Variants in DNAH11 observed in about 807,000 individuals in gnomAD.
The protein encoded by DNAH11 is dynein axonemal heavy chain 11, also known as axonemal beta dynein heavy chain 11.
In DNAH11, 442 loss-of-function variants were observed where a neutral mutation model predicts 526.0. That is an observed-to-expected ratio of 0.84 (90% CI 0.78 to 0.91). The LOEUF is 0.91. Ranked by LOEUF, DNAH11 falls within the 40% of genes least tolerant of loss-of-function variation. DNAH11 has a pLI of 0.00. For synonymous variants in DNAH11, 2,461 were observed against 1,935.9 expected, an observed-to-expected ratio of 1.27 and a Z score of -7.12; for missense variants, 6,989 against 5,448.7, an observed-to-expected ratio of 1.28 and a Z score of -8.90.
chr7:21,763,032 C>A (rs772956612), intron 54 of DNAH11, among the ~76,000 whole-genome samples: 1 of 152,092 alleles, frequency 6.6e-6, no homozygotes, highest in Non-Finnish European at 1.5e-5. Flanking sequence ...AAAGGACTTA[C>A]GTAGACATTT....
At chr7:21,556,031 A>G (rs1207061420) in intron 2 of DNAH11, among the ~76,000 whole-genome samples, 1 of 152,184 alleles carries the variant, frequency 6.6e-6, no homozygotes, top group Non-Finnish European at 1.5e-5. Flanking sequence ...ACAGCAGGTC[A>G]TTTATCTCCT....
chr7:21,583,885 C>T (rs1408705357), intron 9 of DNAH11, among the ~76,000 whole-genome samples: 3 of 152,184 alleles, frequency 2.0e-5, no homozygotes, highest in Non-Finnish European at 4.4e-5. Flanking sequence ...GACATACCAC[C>T]TCATGCCAGT....
At chr7:21,868,496 C>T (rs1325753709) in intron 72 of DNAH11, among the ~76,000 whole-genome samples, 1 of 47,492 alleles carries the variant, frequency 2.1e-5, no homozygotes, top group Non-Finnish European at 5.3e-5. Flanking sequence ...TGAACAGATC[C>T]ATTCAAAAAA....
intron 34 of DNAH11, among the ~76,000 whole-genome samples, chr7:21,690,143 A>G (rs894809172): frequency 1.3e-5 from 2 of 152,186 alleles, no homozygotes; most frequent in Non-Finnish European, 2.9e-5. Context: ...GCAGAATCCA[A>G]TAAGGTTGGT....
intron 20 of DNAH11, among the ~76,000 whole-genome samples, chr7:21,611,087 T>A (rs1418323594): frequency 6.6e-6 from 1 of 152,188 alleles, no homozygotes; most frequent in Non-Finnish European, 1.5e-5. Flanking sequence ...GTTGGTGGAC[T>A]GAGTGGAGAA....
At chr7:21,573,171 C>G (rs1286758270) in intron 8 of DNAH11, among the ~76,000 whole-genome samples, 2 of 152,138 alleles carry the variant, frequency 1.3e-5, no homozygotes, top group Admixed American at 6.5e-5. Context: ...TTGGCCATGC[C>G]AAAGGTCCTG....
At position 21,599,829 on chromosome 7, in the gene DNAH11, T is replaced by A. The variant is rs1172504449; in HGVS notation, c.2710T>A (p.Trp904Arg). The A allele has an allele frequency of 6.3e-7, 1 of 1,592,918 alleles. No individual in the cohort carries two copies. Among genetic ancestry groups the A allele is most frequent in the Non-Finnish European group, 8.6e-7 (1 of 1,166,440 alleles). The change falls in exon 15 of 82, where the codon TGG becomes AGG. Residue 904 changes from tryptophan to arginine, a missense_variant. By Grantham distance (101) the Trp-to-Arg change is moderately radical. Coordinates refer to ENST00000409508, the MANE Select transcript of DNAH11 (RefSeq NM_001277115.2). Reference sequence around the variant, plus strand: ...CAAAGCCAATCCCTCTCTGGATACCTGGAAAATTTATGTAGAATTCATTGA... The same window carrying A: ...CAAAGCCAATCCCTCTCTGGATACCAGGAAAATTTATGTAGAATTCATTGA... ...LFKANPSLDTWKIYVEFIDDI... is the reference protein window; with the variant it reads ...LFKANPSLDTRKIYVEFIDDI...
Position 21,818,256 on chromosome 7 carries a change from T to C in DNAH11, c.10608T>C (p.Asp3536=), listed in dbSNP as rs1482135038. Residue 3536 remains aspartate, a synonymous_variant, in exon 65 of 82, where the codon GAT becomes GAC. Coordinates refer to ENST00000409508, the MANE Select transcript of DNAH11 (RefSeq NM_001277115.2). The part of the protein sequence containing the change: ...NAIETALAFG[D]VILIENLEET... ...TTGAAACTGCTTTGGCCTTTGGTGATGTCATCTTAATTGAAAATCTCGAGG... is the reference window on the plus strand; with the variant it reads ...TTGAAACTGCTTTGGCCTTTGGTGACGTCATCTTAATTGAAAATCTCGAGG... 1 of 1,612,344 alleles carries C rather than the reference T, an allele frequency of 6.2e-7. No individual in the cohort carries two copies. Among genetic ancestry groups the C allele is most frequent in the Admixed American group, 1.7e-5 (1 of 59,784 alleles).
At chr7:21,862,698 C>T (rs372674823) in intron 69 of DNAH11, among the ~76,000 whole-genome samples, 1 of 152,122 alleles carries the variant, frequency 6.6e-6, no homozygotes, top group African/African-American at 2.4e-5. Context: ...AAGAGAGCTC[C>T]AGGTTTCTTA....
At chr7:21,812,395 C>T (rs1190302670) in intron 63 of DNAH11, among the ~76,000 whole-genome samples, 1 of 151,988 alleles carries the variant, frequency 6.6e-6, no homozygotes, top group Non-Finnish European at 1.5e-5. Flanking sequence ...AACTGTCCGC[C>T]GGGTGTGGTG....
In DNAH11 at chr7:21,601,519, G is replaced by C. The variant is rs1236515364; in HGVS notation, c.3549G>C (p.Gln1183His). 6 of 1,613,752 alleles carry C rather than the reference G, an allele frequency of 3.7e-6. No homozygotes were observed. The highest frequency in any genetic ancestry group is 5.1e-6 in the Non-Finnish European group (6 of 1,179,784). Reference protein sequence around the residue: ...MVHLLAVRSRQRATDELFEPL... With the variant: ...MVHLLAVRSRHRATDELFEPL... Reference sequence around the variant, plus strand: ...ATCTTCTGGCTGTAAGAAGCCGACAGAGAGCTACTGATGAACTCTTTGAAC... The same window carrying C: ...ATCTTCTGGCTGTAAGAAGCCGACACAGAGCTACTGATGAACTCTTTGAAC... The change falls in exon 18 of 82, where the codon CAG (glutamine) becomes CAC (histidine). Residue 1183 changes from glutamine (Q) to histidine (H), a missense_variant. Coordinates refer to ENST00000409508, the MANE Select transcript of DNAH11 (RefSeq NM_001277115.2).
intron 43 of DNAH11, among the ~76,000 whole-genome samples, chr7:21,718,743 A>G (rs905518656): frequency 1.5e-4 from 23 of 152,238 alleles, no homozygotes; most frequent in African/African-American, 2.4e-5. Flanking sequence ...TTTTTTTGCT[A>G]TAAGAGCAAA....
intron 61 of DNAH11, among the ~76,000 whole-genome samples, chr7:21,799,703 T>C (rs1788884328): frequency 6.6e-6 from 1 of 152,208 alleles, no homozygotes; most frequent in African/African-American, 2.4e-5. Flanking sequence ...GTTAATGCTA[T>C]TTTGCATATT....
At chr7:21,720,156 G>C (rs1238037839) in intron 43 of DNAH11, among the ~76,000 whole-genome samples, 1 of 152,188 alleles carries the variant, frequency 6.6e-6, no homozygotes, top group Admixed American at 6.5e-5. Context: ...ACAGGCTTAA[G>C]CTGCCAGTCC....
chr7:21,756,683 T>G (rs1786654701), intron 54 of DNAH11, among the ~76,000 whole-genome samples: 1 of 152,154 alleles, frequency 6.6e-6, no homozygotes, highest in African/African-American at 2.4e-5. Context: ...GTGAGTTCTT[T>G]CCCAAAACAA....
At chr7:21,576,818 G>A (rs769434816) in intron 8 of DNAH11, among the ~76,000 whole-genome samples, 10 of 152,186 alleles carry the variant, frequency 6.6e-5, no homozygotes, top group Non-Finnish European at 1.3e-4. Flanking sequence ...TATAACAAAA[G>A]TGTGAAAACA....
intron 20 of DNAH11, 69 bp from the exon 21 acceptor site, chr7:21,615,045 G>T (rs767071172): frequency 3.3e-4 from 470 of 1,440,234 alleles, no homozygotes; most frequent in Non-Finnish European, 4.1e-4. Context: ...GAGATAACCA[G>T]AGCTACAGAA....
At chr7:21,898,777 C>A (rs1784625807) in intron 79 of DNAH11, among the ~76,000 whole-genome samples, 2 of 152,226 alleles carry the variant, frequency 1.3e-5, no homozygotes. Context: ...CACCGGCGTG[C>A]CATTCCTGGC....
chr7:21,707,876 A>C lies in DNAH11; in HGVS notation c.6683+41A>C, dbSNP rs917074580. ...TAGAAGTGCTCAATTTTTTTTTTCT[A>C]TCCAGAAAGCCGTTTTTCAGTACAA... On this transcript the variant is annotated intron_variant, in intron 40 of 81. Transcript: ENST00000409508. The C allele has an allele frequency of 1.1e-5, 17 of 1,523,676 alleles. No homozygotes were observed. In the South Asian group the frequency reaches 1.6e-4, roughly 15 times the overall value. The allele number at this position is 1,523,676 out of a possible 1,614,324, so 94.4% of individuals were successfully genotyped here.
Sources: allele counts gnomAD v4.1 joint callset (sites outside exome capture counted in the v4.1 genomes callset), GRCh38; gene constraint gnomAD v4.1.1; transcripts MANE v1.5; gene names NCBI Gene and HGNC (gene_info 2026-07-23, HGNC 2026-07-21).